Variants in GRN observed in about 807,000 individuals in gnomAD.
The protein encoded by GRN is progranulin.
Under a neutral mutation model 66.7 loss-of-function variants are expected in GRN, and 30 were observed. The observed-to-expected ratio is 0.45, with a 90% CI of 0.34 to 0.61. The LOEUF (loss-of-function observed/expected upper bound fraction) is 0.61. Ranked by LOEUF, GRN falls within the 20% of genes least tolerant of loss-of-function variation. The pLI, the probability that GRN is intolerant of heterozygous loss-of-function variation, is 0.01. For synonymous variants in GRN, 327 were observed against 311.1 expected, an observed-to-expected ratio of 1.05 and a Z score of -0.54; for missense variants, 731 against 803.5, an observed-to-expected ratio of 0.91 and a Z score of 1.09.
intron 1 of GRN, among the ~76,000 whole-genome samples, chr17:44,348,054 G>A (rs1342787321): frequency 7.2e-5 from 11 of 151,966 alleles, no homozygotes; most frequent in Non-Finnish European, 1.5e-4. Context: ...TGGGCAACAT[G>A]GCAATACCTC....
Position 44,349,408 on chromosome 17 carries a change from T to G in GRN, c.139-18T>G, listed in dbSNP as rs544793735. On this transcript the variant is annotated intron_variant, in intron 2 of 12. Transcript: ENST00000053867. ...CCAGGCACAAGTCTGTGGTTTATCA[T>G]TTTCCCTGTCTTTCTAGGACAAATG... 1 of 1,614,062 alleles carries G rather than the reference T, an allele frequency of 6.2e-7. No homozygotes were observed. The highest frequency in any genetic ancestry group is 8.5e-7 in the Non-Finnish European group (1 of 1,180,026).
chr17:44,349,560 G>A lies in GRN; in HGVS notation c.264+9G>A, dbSNP rs2048352423. 1 of 1,614,012 alleles carries A rather than the reference G, an allele frequency of 6.2e-7. No homozygotes were observed. The highest frequency in any genetic ancestry group is 8.5e-7 in the Non-Finnish European group (1 of 1,180,020). On this transcript the variant is annotated intron_variant, in intron 3 of 12. Coordinates refer to ENST00000053867, the MANE Select transcript of GRN (RefSeq NM_002087.4). ...GCTGCCCCTTCCCAGAGGTGAGCGT[G>A]CCATCAGCCCAGTGGAGGGGCTTAG...
intron 1 of GRN, 29 bp from the exon 2 acceptor site, chr17:44,349,129 G>T: frequency 3.1e-6 from 5 of 1,613,264 alleles, no homozygotes; most frequent in Non-Finnish European, 4.2e-6. Context: ...GGCTTAAGCA[G>T]TTGCCAGACG....
In GRN at chr17:44,351,999, C is replaced by G; in HGVS notation, c.1180-16C>G. 1.2e-6 allele frequency: 2 copies of G among 1,603,778 alleles called. No homozygotes were observed. On this transcript the variant is annotated splice_polypyrimidine_tract_variant and intron_variant, in intron 10 of 12. Coordinates refer to ENST00000053867, the MANE Select transcript of GRN (RefSeq NM_002087.4). The stretch of plus-strand genomic sequence containing the variant: ...ATAGTGGCTACCTACAACGCCCTTT[C>G]CTGCCCACCCCCCAGGCTGTCTGCT...
At position 44,349,509 on chromosome 17, in the gene GRN, C is replaced by T. The variant is rs541636253; in HGVS notation, c.222C>T (p.Ile74=). The T allele has an allele frequency of 6.2e-7, 1 of 1,614,212 alleles. No individual in the cohort carries two copies. The highest frequency in any genetic ancestry group is 1.7e-5 in the Admixed American group (1 of 60,036). Residue 74 remains isoleucine, a synonymous_variant, in exon 3 of 13, where the codon ATC becomes ATT. Transcript: ENST00000053867. ...ACTGCTCTGCCGGCCACTCCTGCAT[C>T]TTTACCGTCTCAGGGACTTCCAGTT... The part of the protein sequence containing the change: ...DAHCSAGHSC[I]FTVSGTSSCC...
At chr17:44,351,833 G>A in intron 10 of GRN, 38 bp downstream of exon 10, 1 of 1,603,726 alleles carries the variant, frequency 6.2e-7, no homozygotes, top group Non-Finnish European at 8.5e-7. Flanking sequence ...CTGGGCAGGT[G>A]GGTGGCCAAG....
At chr17:44,349,347 C>T (rs2048349696) in intron 2 of GRN, 45 bp downstream of exon 2, 1 of 1,613,938 alleles carries the variant, frequency 6.2e-7, no homozygotes. Flanking sequence ...CCTGGGTTTT[C>T]CCAAAGGGTC....
intron 4 of GRN, 24 bp from the exon 5 acceptor site, chr17:44,350,204 T>C (rs2048358243): frequency 6.6e-7 from 1 of 1,522,384 alleles, no homozygotes; most frequent in African/African-American, 1.4e-5. Flanking sequence ...GGGCTGGTAG[T>C]ATCCTGGGTC....
intron 10 of GRN, 65 bp downstream of exon 10, chr17:44,351,860 C>T (rs1022614970): frequency 6.4e-7 from 1 of 1,556,540 alleles, no homozygotes; most frequent in Non-Finnish European, 8.8e-7. Flanking sequence ...TTGCTTTCTG[C>T]CCTCCGCATA....
rs1372566560 is a variant in GRN at position 44,352,097 on chromosome 17, AGATCGT to A, written c.1264_1269del (p.Ile422_Val423del). ...GAGGGGCAGTGTCAGCGAGGAAGCGAGATCGTGGCTGGACTGGAGAAGATGCCTGCC... is the reference window on the plus strand; with the variant it reads ...GAGGGGCAGTGTCAGCGAGGAAGCGAGGCTGGACTGGAGAAGATGCCTGCC... On this transcript the variant is annotated inframe_deletion, in exon 11 of 13. Transcript: ENST00000053867. 1 of 1,613,582 alleles carries A rather than the reference AGATCGT, an allele frequency of 6.2e-7. No homozygotes were observed. Among genetic ancestry groups the A allele is most frequent in the Non-Finnish European group, 8.5e-7 (1 of 1,179,924 alleles).
At chr17:44,350,859 G>T (rs2048366623) in intron 7 of GRN, 59 bp downstream of exon 7, 2 of 1,442,738 alleles carry the variant, frequency 1.4e-6, no homozygotes, top group African/African-American at 1.4e-5. Flanking sequence ...GCCCTGACAC[G>T]CACCTTACAG....
At chr17:44,349,086 G>A in intron 1 of GRN, 72 bp from the exon 2 acceptor site, 2 of 1,538,786 alleles carry the variant, frequency 1.3e-6, no homozygotes, top group Non-Finnish European at 9.0e-7. Context: ...TGGGGCTAGG[G>A]TACTGAGTGA....
rs200782457 is a variant in GRN at position 44,349,427 on chromosome 17, A to T, written c.140A>T (p.Asp47Val). ...TTATCATTTTCCCTGTCTTTCTAGG[A>T]CAAATGGCCCACAACACTGAGCAGG... ...ASYSCCRPLL[D>V]KWPTTLSRHL... The change falls in exon 3 of 13, where the codon GAC becomes GTC. Residue 47 changes from aspartate to valine, a missense_variant and splice_region_variant. Asp to Val is a radical substitution (Grantham distance 152). Transcript: ENST00000053867. 1 of 1,614,232 alleles carries T rather than the reference A, an allele frequency of 6.2e-7. No homozygotes were observed. Among genetic ancestry groups the T allele is most frequent in the African/African-American group, 1.3e-5 (1 of 75,074 alleles).
At chr17:44,349,871 T>C in intron 4 of GRN, 120 bp downstream of exon 4, 1 of 732,534 alleles carries the variant, frequency 1.4e-6, no homozygotes, top group Admixed American at 2.1e-5. Flanking sequence ...TCATGTGGCA[T>C]CTGTACTAAG....
chr17:44,352,526 C>T lies in GRN; in HGVS notation c.1599C>T (p.Cys533=). 1 of 1,613,956 alleles carries T rather than the reference C, an allele frequency of 6.2e-7. No individual in the cohort carries two copies. The highest frequency in any genetic ancestry group is 1.1e-5 in the South Asian group (1 of 91,082). The change falls in exon 12 of 13, where the codon TGC becomes TGT. Residue 533 remains cysteine, a synonymous_variant. Coordinates refer to ENST00000053867, the MANE Select transcript of GRN (RefSeq NM_002087.4). Reference sequence around the variant, plus strand: ...ACTTCTGCCATGATAACCAGACCTGCTGCCGAGACAACCGACAGGGCTGGG... The same window carrying T: ...ACTTCTGCCATGATAACCAGACCTGTTGCCGAGACAACCGACAGGGCTGGG... ...EGHFCHDNQT[C]CRDNRQGWAC... is the part of the protein sequence containing the mutation.
intron 8 of GRN, 90 bp from the exon 9 acceptor site, chr17:44,351,273 C>T: frequency 1.3e-6 from 2 of 1,526,334 alleles, no homozygotes; most frequent in Non-Finnish European, 1.8e-6. Flanking sequence ...ATCTTCAACA[C>T]CTGGTTCCAG....
intron 1 of GRN, 170 bp downstream of exon 1, chr17:44,345,504 G>A (rs1567883722): frequency 6.6e-6 from 1 of 152,350 alleles, no homozygotes; most frequent in Non-Finnish European, 1.5e-5. Flanking sequence ...GAAAGAGGAA[G>A]CAGTAATTGC....
At position 44,349,618 on chromosome 17, in the gene GRN, C is replaced by T. The variant is rs777126900; in HGVS notation, c.265-49C>T. The T allele has an allele frequency of 6.7e-5, 108 of 1,610,168 alleles. 1 individual carries two copies. Among genetic ancestry groups the T allele is most frequent in the Non-Finnish European group, 8.9e-5 (105 of 1,176,558 alleles). ...TTTATGCTTTTCCTGCACTCTACCA[C>T]CTGCAGATAAAAGGGCCCTGCCAAT... On this transcript the variant is annotated intron_variant, in intron 3 of 12. Transcript: ENST00000053867.
Position 44,351,173 on chromosome 17 carries a change from G to A in GRN, c.835+10G>A, listed in dbSNP as rs750312897. ...CTGCCTGCGCACACAGGTACCAGAG[G>A]CAGGGTGCAGATACAGGGGTGGGGC... On this transcript the variant is annotated intron_variant, in intron 8 of 12. Coordinates refer to ENST00000053867, the MANE Select transcript of GRN (RefSeq NM_002087.4). The A allele has an allele frequency of 1.2e-6, 2 of 1,614,136 alleles. No homozygotes were observed. Among genetic ancestry groups the A allele is most frequent in the East Asian group, 4.5e-5 (2 of 44,886 alleles).
Sources: gnomAD v4.1 joint callset for allele counts (sites outside exome capture counted in the v4.1 genomes callset) on GRCh38, gnomAD v4.1.1 for gene constraint, MANE v1.5 for transcripts, NCBI Gene and HGNC (gene_info 2026-07-23, HGNC 2026-07-21) for gene names.